Variants in WNT9B observed in about 807,000 individuals in gnomAD.
WNT9B encodes Wnt family member 9B.
In WNT9B, 12 loss-of-function variants were observed where a neutral mutation model predicts 30.2. The ratio of observed to expected loss-of-function variants is 0.40; its 90% confidence interval spans 0.26 to 0.64. WNT9B has a LOEUF of 0.64. Among genes scored for constraint, WNT9B ranks in the 30% least tolerant of loss-of-function variants. The pLI is 0.42. For synonymous variants in WNT9B, 218 were observed against 216.9 expected, an observed-to-expected ratio of 1.01 and a Z score of -0.05; for missense variants, 442 against 485.2, an observed-to-expected ratio of 0.91 and a Z score of 0.84.
At chr17:46,845,092 A>T (rs951309207) in intron 1 of WNT9B, among the ~76,000 whole-genome samples, 2 of 152,072 alleles carry the variant, frequency 1.3e-5, no homozygotes, top group Non-Finnish European at 2.9e-5. Context: ...CAGGTGATCC[A>T]CTCGCCTCGG....
At chr17:46,867,448 C>T (rs564090915) in intron 1 of WNT9B, among the ~76,000 whole-genome samples, 1 of 152,314 alleles carries the variant, frequency 6.6e-6, no homozygotes, top group African/African-American at 2.4e-5. Flanking sequence ...AGGGGACAAC[C>T]CTGAGGTCAC....
In WNT9B at chr17:46,875,264, C is replaced by A; in HGVS notation, c.498C>A (p.Leu166=). The change falls in exon 3 of 4, where the codon CTC becomes CTA. Residue 166 remains leucine, a synonymous_variant. Coordinates refer to ENST00000290015, the MANE Select transcript of WNT9B (RefSeq NM_003396.3). ...AWQWGVCGDN[L]KYSTKFLSNF... ...AGTGGGGCGTGTGCGGTGACAACCT[C>A]AAGTACAGCACCAAGTTTCTGAGCA... The A allele has an allele frequency of 1.2e-6, 2 of 1,614,214 alleles. No homozygotes were observed. Among genetic ancestry groups the A allele is most frequent in the Middle Eastern group, 1.6e-4 (1 of 6,062 alleles).
At position 46,851,593 on chromosome 17, in the gene WNT9B, T is replaced by A. The variant is rs2146540833; in HGVS notation, c.-46T>A. The A allele has an allele frequency of 1.7e-5, 19 of 1,134,184 alleles. 1 individual carries two copies. Among genetic ancestry groups the A allele is most frequent in the African/African-American group, 1.3e-4 (8 of 61,588 alleles). The allele number at this position is 1,134,184 out of a possible 1,614,324, so 70.3% of individuals were successfully genotyped here. A position where few individuals can be genotyped will look rare whatever the true frequency, so the allele number is the denominator to read the frequency against. On this transcript the variant is annotated 5_prime_UTR_variant, in exon 1 of 4. In the 5' UTR this introduces an upstream ATG that the reference lacks. Transcript: ENST00000290015. This position sits in a 1 kb window ranked among gnomAD's most constrained non-coding sequence, Gnocchi z 4.3. ...GGCGGGTGGTGGCGGAGCTGCGAGC[T>A]TGAGCGGCGCGAGGAGATGCTAGAG...
At chr17:46,836,787 G>A (rs568490976) in intron 1 of WNT9B, among the ~76,000 whole-genome samples, 1 of 152,188 alleles carries the variant, frequency 6.6e-6, no homozygotes, top group African/African-American at 2.4e-5. Flanking sequence ...CCTGTGTCCT[G>A]TTGACACACA....
chr17:46,858,182 G>A (rs1433523292), intron 1 of WNT9B, among the ~76,000 whole-genome samples: 5 of 152,112 alleles, frequency 3.3e-5, no homozygotes, highest in African/African-American at 1.2e-4. Context: ...CACCCACCTC[G>A]GCCTCCCAAA....
chr17:46,849,528 A>G (rs577341813), upstream of WNT9B, among the ~76,000 whole-genome samples: 119 of 152,268 alleles, frequency 7.8e-4, no homozygotes, highest in Admixed American at 1.7e-3. Flanking sequence ...ACACTGGTCC[A>G]GCTCAGGCCC....
chr17:46,848,689 T>C (rs1474740135), upstream of WNT9B, among the ~76,000 whole-genome samples: 1 of 152,250 alleles, frequency 6.6e-6, no homozygotes, highest in Non-Finnish European at 1.5e-5. Flanking sequence ...AGTCAGGCTG[T>C]GCCTGGGCAG....
intron 1 of WNT9B, among the ~76,000 whole-genome samples, chr17:46,839,683 GT>G (rs1288471617): frequency 6.6e-6 from 1 of 151,572 alleles, no homozygotes; most frequent in African/African-American, 2.4e-5. Flanking sequence ...CCCTCCCCCA[GT>G]CCCCCCCGCC....
chr17:46,884,795 G>C (rs1598876150), downstream of WNT9B, among the ~76,000 whole-genome samples: 1 of 152,334 alleles, frequency 6.6e-6, no homozygotes, highest in East Asian at 1.9e-4. Flanking sequence ...TTCAGACCCA[G>C]TGAAGGCGAC....
At chr17:46,845,989 C>T (rs2084772180) in intron 1 of WNT9B, among the ~76,000 whole-genome samples, 1 of 152,048 alleles carries the variant, frequency 6.6e-6, no homozygotes, top group Non-Finnish European at 1.5e-5. Context: ...TGGGGTTTTG[C>T]CATGTTGGCC....
chr17:46,870,050 T>C (rs1438131545), intron 1 of WNT9B, among the ~76,000 whole-genome samples: 1 of 152,212 alleles, frequency 6.6e-6, no homozygotes, highest in African/African-American at 2.4e-5. Flanking sequence ...ACTGTAGCTA[T>C]AATGATATAA....
Position 46,879,007 on chromosome 17 carries a change from C to A in WNT9B, c.*2289C>A, listed in dbSNP as rs1043855414. ...AAGACCCACCTCGGCCCTCTTGGGG[C>A]CCCTGGGGACTAGAGTGACCACTGA... On this transcript the variant is annotated 3_prime_UTR_variant, in exon 4 of 4. Coordinates refer to ENST00000290015, the MANE Select transcript of WNT9B (RefSeq NM_003396.3). 6.6e-6 allele frequency among the ~76,000 whole-genome samples: 1 copy of A among 152,156 alleles called. No individual in the cohort carries two copies. The highest frequency in any genetic ancestry group is 2.4e-5 in the African/African-American group (1 of 41,426).
Position 46,872,721 on chromosome 17 carries a change from G to A in WNT9B, c.282G>A (p.Arg94=). The A allele has an allele frequency of 1.9e-6, 3 of 1,612,498 alleles. No individual in the cohort carries two copies. The highest frequency in any genetic ancestry group is 1.7e-6 in the Non-Finnish European group (2 of 1,179,780). The change falls in exon 2 of 4, where the codon CGG becomes CGA. Residue 94 remains arginine (R), a synonymous_variant. Transcript: ENST00000290015. ...TGCTTGAGTGCCAGTTTCAGTTCCG[G>A]CATGAGCGCTGGAACTGTAGCCTGG... ...LGLLECQFQF[R]HERWNCSLEG... is the part of the protein sequence containing the mutation.
exon 5 of WNT9B, chr17:46,886,353 C>T (rs1375616246): frequency 6.6e-6 from 1 of 152,152 alleles, no homozygotes; most frequent in African/African-American, 2.4e-5. Context: ...ACTATTGGGC[C>T]CCTTTCAATT....
At chr17:46,881,462 A>G (rs1175943457), downstream of WNT9B, among the ~76,000 whole-genome samples, 1 of 152,244 alleles carries the variant, frequency 6.6e-6, no homozygotes, top group African/African-American at 2.4e-5. Context: ...CTTTTTTTAC[A>G]GATAGGGGAA....
At chr17:46,833,490 G>A (rs771946411) in intron 1 of WNT9B, 3 of 471,158 alleles carry the variant, frequency 6.4e-6, no homozygotes, top group Non-Finnish European at 1.3e-5. Flanking sequence ...CTCCCCATCT[G>A]GTCACCTCAC....
intron 1 of WNT9B, among the ~76,000 whole-genome samples, chr17:46,842,477 C>T (rs868753431): frequency 4.0e-4 from 61 of 152,174 alleles, no homozygotes; most frequent in African/African-American, 1.4e-3. Flanking sequence ...TGGGTTCAAA[C>T]CATCCTCCTG....
intron 1 of WNT9B, among the ~76,000 whole-genome samples, chr17:46,865,980 G>C (rs139826059): frequency 9.1e-4 from 139 of 152,254 alleles, no homozygotes; most frequent in African/African-American, 3.2e-3. Context: ...ATGAATGAGC[G>C]AGTAAGTGAA....
At position 46,876,953 on chromosome 17, in the gene WNT9B, TGAG is replaced by T; in HGVS notation, c.*238_*240del. The T allele has an allele frequency of 7.6e-7, 1 of 1,312,110 alleles. No individual in the cohort carries two copies. Among genetic ancestry groups the T allele is most frequent in the Non-Finnish European group, 9.7e-7 (1 of 1,034,246 alleles). The allele number at this position is 1,312,110 out of a possible 1,614,324, so 81.3% of individuals were successfully genotyped here. On this transcript the variant is annotated 3_prime_UTR_variant, in exon 4 of 4. Transcript: ENST00000290015. ...TTAACCCAAGCATCCCCAACCTTGT[TGAG>T]GACTTGGAGAGGAGGGCAGAGTGAG...
Sources: gnomAD v4.1 joint callset for allele counts (sites outside exome capture counted in the v4.1 genomes callset) on GRCh38, gnomAD v4.1.1 for gene constraint, Gnocchi (gnomAD v3.1) non-coding constraint, MANE v1.5 for transcripts, NCBI Gene and HGNC (gene_info 2026-07-23, HGNC 2026-07-21) for gene names.